CPED1: variants seen among roughly 807,000 people sequenced by gnomAD.
The protein encoded by CPED1 is cadherin like and PC-esterase domain containing 1, also known as cadherin-like and PC-esterase domain-containing protein 1.
CPED1 carries 114 observed loss-of-function variants against 128.2 expected under a neutral mutation model. The observed-to-expected ratio is 0.89, with a 90% CI of 0.76 to 1.04. CPED1 has a LOEUF of 1.04. CPED1 is among the 50% of genes least tolerant of loss of function. The probability of loss-of-function intolerance (pLI) is 0.00; values close to 1 mark genes in which losing one functional copy is unlikely to be tolerated. For synonymous variants in CPED1, 462 were observed against 426.7 expected (o/e 1.08, Z -1.02); for missense variants, 1,211 against 1,207.1 (o/e 1.00, Z -0.05).
At chr7:121,040,702 T>C (rs1004434584) in intron 3 of CPED1, among the ~76,000 whole-genome samples, 1 of 151,946 alleles carries the variant, frequency 6.6e-6, no homozygotes, top group Non-Finnish European at 1.5e-5. Context: ...ACAGATAAAA[T>C]ATCCTCACAT....
At position 121,175,429 on chromosome 7, in the gene CPED1, A is replaced by G. The variant is rs1368022098; in HGVS notation, c.2055+33288A>G. On this transcript the variant is annotated intron_variant, in intron 16 of 22. Coordinates refer to ENST00000310396, the MANE Select transcript of CPED1 (RefSeq NM_024913.5). ...CTTCCCTTCATGTTATAAACTGTCAATAAACTAGATATTGAAGGAACATAC... is the reference window on the plus strand; with the variant it reads ...CTTCCCTTCATGTTATAAACTGTCAGTAAACTAGATATTGAAGGAACATAC... Among the ~76,000 whole-genome samples the G allele has an allele frequency of 2.0e-5, 3 of 152,224 alleles. No homozygotes were observed. The South Asian group carries it at 6.2e-4, about 32-fold the overall frequency.
intron 5 of CPED1, among the ~76,000 whole-genome samples, chr7:121,088,763 CAAAAAAAAAAAAAAAA>C (rs71170226): frequency 3.0e-4 from 16 of 53,794 alleles, no homozygotes; most frequent in Non-Finnish European, 4.4e-4. Context: ...CAAAAATTGG[CAAAAAAAAAAAAAAAA>C]AAAAAAAAAA....
At chr7:121,281,289 C>T (rs958343426) in intron 22 of CPED1, among the ~76,000 whole-genome samples, 2 of 152,122 alleles carry the variant, frequency 1.3e-5, no homozygotes, top group African/African-American at 2.4e-5. Flanking sequence ...GCAATACACA[C>T]GTTCTGATGA....
At chr7:121,029,244 G>A (rs1007566204) in intron 3 of CPED1, among the ~76,000 whole-genome samples, 1 of 152,100 alleles carries the variant, frequency 6.6e-6, no homozygotes, top group African/African-American at 2.4e-5. Flanking sequence ...GGAATAAAGG[G>A]TGAGAATCAT....
chr7:121,020,032 T>C (rs569389414), intron 3 of CPED1, among the ~76,000 whole-genome samples: 1 of 152,118 alleles, frequency 6.6e-6, no homozygotes, highest in South Asian at 2.1e-4. Flanking sequence ...TTATGTATAC[T>C]TGAAGAGTAG....
chr7:121,176,453 AAC>A (rs1448277909), intron 16 of CPED1, among the ~76,000 whole-genome samples: 4 of 152,014 alleles, frequency 2.6e-5, no homozygotes, highest in Non-Finnish European at 5.9e-5. Context: ...ACTGAAAAAA[AAC>A]ACAGTTGGAA....
At chr7:120,992,663 A>G (rs1281093369) in intron 2 of CPED1, among the ~76,000 whole-genome samples, 1 of 152,232 alleles carries the variant, frequency 6.6e-6, no homozygotes, top group Admixed American at 6.5e-5. Flanking sequence ...GTTTCAGTGA[A>G]TGTTTTAGTG....
intron 5 of CPED1, among the ~76,000 whole-genome samples, chr7:121,091,557 A>G (rs1794572307): frequency 6.6e-6 from 1 of 152,208 alleles, no homozygotes; most frequent in Non-Finnish European, 1.5e-5. Context: ...CAAGATTTCT[A>G]GATTATTAAA....
chr7:121,049,550 G>C (rs950864326), intron 4 of CPED1, among the ~76,000 whole-genome samples: 2 of 152,240 alleles, frequency 1.3e-5, no homozygotes, highest in African/African-American at 2.4e-5. Flanking sequence ...CTGGGGGACA[G>C]AGCAGGTGGC....
chr7:121,017,604 A>G (rs1792334336), intron 3 of CPED1, among the ~76,000 whole-genome samples: 1 of 152,168 alleles, frequency 6.6e-6, no homozygotes, highest in Non-Finnish European at 1.5e-5. Context: ...TAAAATTCCT[A>G]TATTTCCCTG....
At chr7:121,193,995 GCTCTCTCTCT>G (rs373934011) in intron 16 of CPED1, among the ~76,000 whole-genome samples, 20 of 87,404 alleles carry the variant, frequency 2.3e-4, no homozygotes, top group African/African-American at 5.4e-4. Flanking sequence ...GGATGAGCAA[GCTCTCTCTCT>G]CTCTCTCTCT....
chr7:121,082,549 C>G (rs749134687), intron 5 of CPED1, among the ~76,000 whole-genome samples: 2 of 151,974 alleles, frequency 1.3e-5, no homozygotes, highest in African/African-American at 4.8e-5. Context: ...GATAGATTAC[C>G]CTAAAATAAA....
intron 4 of CPED1, among the ~76,000 whole-genome samples, chr7:121,061,541 C>CTG (rs1270905678): frequency 1.3e-5 from 2 of 152,044 alleles, no homozygotes; most frequent in Non-Finnish European, 2.9e-5. Flanking sequence ...ATGGAGGAGG[C>CTG]TGTGTGTGTG....
intron 18 of CPED1, chr7:121,261,599 A>C (rs1323285320): frequency 3.1e-6 from 5 of 1,600,710 alleles, no homozygotes; most frequent in Non-Finnish European, 4.3e-6. Flanking sequence ...TGGCCCATAG[A>C]AAACCTGACA....
intron 4 of CPED1, among the ~76,000 whole-genome samples, chr7:121,060,204 T>C (rs1051470824): frequency 6.6e-6 from 1 of 152,210 alleles, no homozygotes; most frequent in Non-Finnish European, 1.5e-5. Context: ...CAGCCCACCA[T>C]GCCTGAGCCT....
chr7:121,047,715 C>CTTCTTTTTTT (rs1563005068), intron 4 of CPED1, among the ~76,000 whole-genome samples: 2 of 76,064 alleles, frequency 2.6e-5, no homozygotes, highest in African/African-American at 1.2e-4. Context: ...TCTTCTTCTT[C>CTTCTTTTTTT]TTTTTTTTTT....
intron 18 of CPED1, among the ~76,000 whole-genome samples, chr7:121,251,088 C>T (rs944938296): frequency 1.2e-4 from 19 of 152,290 alleles, no homozygotes; most frequent in African/African-American, 4.3e-4. Context: ...CAAACCGAAT[C>T]CAGCAACACA....
At chr7:121,087,178 T>G (rs2908574) in intron 5 of CPED1, among the ~76,000 whole-genome samples, 135,685 of 152,138 alleles carry the variant, frequency 0.89, 60,575 homozygotes, top group Middle Eastern at 0.99. Flanking sequence ...TTTCTTTGGT[T>G]GGGGGAGGCA....
chr7:121,064,362 C>T, intron 5 of CPED1, 49 bp downstream of exon 5: 1 of 1,310,592 alleles, frequency 7.6e-7, no homozygotes, highest in South Asian at 1.2e-5. Context: ...GATATGCAGG[C>T]TCCCTTAGCA....
Sources: allele counts gnomAD v4.1 joint callset (sites outside exome capture counted in the v4.1 genomes callset), GRCh38; gene constraint gnomAD v4.1.1; transcripts MANE v1.5; gene names NCBI Gene and HGNC (gene_info 2026-07-23, HGNC 2026-07-21).